PPP6R1: variants seen among roughly 807,000 people sequenced by gnomAD.
PPP6R1 encodes protein phosphatase 6 regulatory subunit 1, also known as serine/threonine-protein phosphatase 6 regulatory subunit 1.
Under a neutral mutation model 104.6 loss-of-function variants are expected in PPP6R1, and 39 were observed. The observed-to-expected ratio is 0.37, with a 90% confidence interval of 0.29 to 0.49. The LOEUF (loss-of-function observed/expected upper bound fraction) is 0.49, where lower values mean the gene tolerates loss of function less well. Ranked by LOEUF, PPP6R1 falls within the 20% of genes least tolerant of loss-of-function variation. The pLI is 0.98. For synonymous variants in PPP6R1, 549 were observed against 479.0 expected (o/e 1.15, Z -1.91); for missense variants, 1,181 against 1,155.8 (o/e 1.02, Z -0.32).
Position 55,230,818 on chromosome 19 carries a change from T to C in PPP6R1, c.2526A>G (p.Glu842=). The C allele has an allele frequency of 6.5e-7, 1 of 1,536,462 alleles. No individual in the cohort carries two copies. The highest frequency in any genetic ancestry group is 1.1e-5 in the South Asian group (1 of 89,190). ...SGAHQPPQTT[E]GEKSPEPLGL... ...CCAAGGGCTCTGGGCTCTTCTCCCC[T>C]TCTGTGGTCTGGGGGGGCTGGTGGG... is the stretch of plus-strand genomic sequence containing the variant. The change falls in exon 22 of 24, where the codon GAA becomes GAG. Residue 842 remains glutamate, a synonymous_variant. Transcript: ENST00000412770.
chr19:55,228,670 C>G, downstream of PPP6R1: 1 of 1,607,310 alleles, frequency 6.2e-7, no homozygotes, highest in Non-Finnish European at 8.5e-7. Flanking sequence ...CAGCCCCAGG[C>G]ACAGCTCAGA....
intron 5 of PPP6R1, 58 bp from the exon 6 acceptor site, chr19:55,242,546 T>G (rs2087468441): frequency 7.0e-7 from 1 of 1,428,644 alleles, no homozygotes; most frequent in Non-Finnish European, 9.9e-7. Flanking sequence ...CTCTGCAGCC[T>G]GGTGCTGGGA....
chr19:55,251,354 C>CAA (rs879772777), intron 1 of PPP6R1, among the ~76,000 whole-genome samples: 83 of 152,192 alleles, frequency 5.5e-4, no homozygotes, highest in Non-Finnish European at 2.1e-4. Flanking sequence ...AGCTGAAAAG[C>CAA]AAACCTCATT....
chr19:55,237,670 G>A (rs574253644), intron 15 of PPP6R1, among the ~76,000 whole-genome samples: 3 of 152,286 alleles, frequency 2.0e-5, no homozygotes, highest in Admixed American at 6.5e-5. Context: ...CATTACTCAC[G>A]CACTTCATTC....
chr19:55,250,306 C>T (rs895039127), intron 1 of PPP6R1, among the ~76,000 whole-genome samples: 2 of 152,248 alleles, frequency 1.3e-5, no homozygotes, highest in African/African-American at 2.4e-5. Flanking sequence ...AATGCCTATG[C>T]CCCGATCCAG....
At chr19:55,251,852 C>T (rs1388127463) in intron 1 of PPP6R1, among the ~76,000 whole-genome samples, 1 of 152,164 alleles carries the variant, frequency 6.6e-6, no homozygotes. Context: ...AGAATAATCT[C>T]AAGGGGCAAC....
chr19:55,256,525 G>C (rs2087594790), intron 1 of PPP6R1, among the ~76,000 whole-genome samples: 1 of 152,178 alleles, frequency 6.6e-6, no homozygotes, highest in South Asian at 2.1e-4. Flanking sequence ...ATAATCGAAA[G>C]AACGGCCAGG....
At position 55,230,375 on chromosome 19, in the gene PPP6R1, C is replaced by A; in HGVS notation, c.*153G>T. On this transcript the variant is annotated 3_prime_UTR_variant, in exon 24 of 24. Transcript: ENST00000412770. ...AAATGGGGGTGGGTTGGGCCTGTCT[C>A]CCTGGCACCAGCCTCCTGGGGGTCC... 8.3e-7 allele frequency: 1 copy of A among 1,205,450 alleles called. No homozygotes were observed. The highest frequency in any genetic ancestry group is 1.4e-5 in the South Asian group (1 of 69,790). The allele number at this position is 1,205,450 out of a possible 1,614,324, so 74.7% of individuals were successfully genotyped here. A position where few individuals can be genotyped will look rare whatever the true frequency, so the allele number is the denominator to read the frequency against.
intron 17 of PPP6R1, 131 bp downstream of exon 17, chr19:55,236,512 C>T: frequency 6.6e-6 from 7 of 1,061,500 alleles, no homozygotes; most frequent in Non-Finnish European, 7.8e-6. Flanking sequence ...GTGCCCCCAA[C>T]TAATACACAC....
chr19:55,257,574 C>A (rs576746683), intron 1 of PPP6R1, among the ~76,000 whole-genome samples: 3 of 152,092 alleles, frequency 2.0e-5, no homozygotes, highest in Non-Finnish European at 4.4e-5. Context: ...TGCTCCTTCC[C>A]CCCCCGGAAG....
chr19:55,238,118 C>G (rs778854131), intron 15 of PPP6R1, among the ~76,000 whole-genome samples: 28 of 150,498 alleles, frequency 1.9e-4, no homozygotes, highest in Non-Finnish European at 3.4e-4. Context: ...CCAGGCTGGG[C>G]TGAAATTCCT....
Position 55,239,478 on chromosome 19 carries a change from G to A in PPP6R1, c.1678C>T (p.Arg560Cys), listed in dbSNP as rs967735441. Residue 560 changes from arginine to cysteine, a missense_variant, in exon 15 of 24, where the codon CGC (arginine) becomes TGC (cysteine). Arg to Cys is a radical substitution (Grantham distance 180). Coordinates refer to ENST00000412770, the MANE Select transcript of PPP6R1 (RefSeq NM_014931.4). ...QQAFMDFQMQ[R>C]MTSAFIDHFG... ...TGGTCAATGAAGGCAGAGGTCATGC[G>A]CTGCATCTGGAAGTCCATGAAGGCC... is the stretch of plus-strand genomic sequence containing the variant. 1.9e-6 allele frequency: 3 copies of A among 1,613,988 alleles called. No individual in the cohort carries two copies. The highest frequency in any genetic ancestry group is 2.2e-5 in the South Asian group (2 of 91,074).
In PPP6R1 at chr19:55,258,908, CG is replaced by C. The variant is rs543952320; in HGVS notation, c.-481del. The C allele has an allele frequency of 9.1e-4, 139 of 152,336 alleles. No homozygotes were observed. The highest frequency in any genetic ancestry group is 3.0e-3 in the African/African-American group (124 of 41,556). The allele number at this position is 152,336 out of a possible 1,614,324, so 9.4% of individuals were successfully genotyped here. On this transcript the variant is annotated 5_prime_UTR_variant, in exon 1 of 24. Transcript: ENST00000412770. Reference sequence around the variant, plus strand: ...GAGCCGAGCAGCGACCGACGGAAGCCGAGGCCTACTTCCTTAACCACCCCTT... The same window carrying C: ...GAGCCGAGCAGCGACCGACGGAAGCCAGGCCTACTTCCTTAACCACCCCTT...
In PPP6R1 at chr19:55,258,788, C is replaced by A. The variant is rs571805410; in HGVS notation, c.-360G>T. On this transcript the variant is annotated 5_prime_UTR_variant, in exon 1 of 24. Transcript: ENST00000412770. ...GCGAGGCCCACGCAGGCGCCTCAGCCGGGAAGACGGGGGAAGTTGCCCCGG... is the reference window on the plus strand; with the variant it reads ...GCGAGGCCCACGCAGGCGCCTCAGCAGGGAAGACGGGGGAAGTTGCCCCGG... The A allele has an allele frequency of 6.6e-6, 1 of 152,116 alleles. No homozygotes were observed. The highest frequency in any genetic ancestry group is 2.4e-5 in the African/African-American group (1 of 41,522). The allele number at this position is 152,116 out of a possible 1,614,324, so 9.4% of individuals were successfully genotyped here.
chr19:55,255,176 G>C (rs926000693), intron 1 of PPP6R1, among the ~76,000 whole-genome samples: 3 of 152,172 alleles, frequency 2.0e-5, no homozygotes, highest in African/African-American at 4.8e-5. Flanking sequence ...TAGCAGCCCT[G>C]GTCCAACCCC....
chr19:55,237,007 CT>C, intron 15 of PPP6R1, 37 bp from the exon 16 acceptor site: 1 of 1,566,794 alleles, frequency 6.4e-7, no homozygotes, highest in Non-Finnish European at 8.8e-7. Flanking sequence ...GAAGGTCCAC[CT>C]GGGGGTGGGG....
chr19:55,239,967 C>A, intron 12 of PPP6R1, 32 bp downstream of exon 12: 1 of 1,611,468 alleles, frequency 6.2e-7, no homozygotes, highest in Admixed American at 1.7e-5. Flanking sequence ...AAGCCCCCCA[C>A]CTAGCCCTCA....
chr19:55,230,419 G>T lies in PPP6R1; in HGVS notation c.*109C>A. 2.0e-6 allele frequency: 3 copies of T among 1,492,674 alleles called. No homozygotes were observed. Among genetic ancestry groups the T allele is most frequent in the South Asian group, 1.2e-5 (1 of 84,674 alleles). 92.5% of individuals were successfully genotyped at this position (1,492,674 alleles called of 1,614,324 possible). A position where few individuals can be genotyped will look rare whatever the true frequency, so the allele number is the denominator to read the frequency against. ...GGGGTCCAGAGGAGAGAATGTGGGG[G>T]TGTCAGGGTGATGAGGGCAATGGGG... On this transcript the variant is annotated 3_prime_UTR_variant, in exon 24 of 24. Coordinates refer to ENST00000412770, the MANE Select transcript of PPP6R1 (RefSeq NM_014931.4).
At chr19:55,228,668 G>A, downstream of PPP6R1, 1 of 1,606,130 alleles carries the variant, frequency 6.2e-7, no homozygotes, top group Non-Finnish European at 8.5e-7. Flanking sequence ...CCCAGCCCCA[G>A]GCACAGCTCA....
Sources: allele counts gnomAD v4.1 joint callset (sites outside exome capture counted in the v4.1 genomes callset), GRCh38; gene constraint gnomAD v4.1.1; transcripts MANE v1.5; gene names NCBI Gene and HGNC (gene_info 2026-07-23, HGNC 2026-07-21).